Variants in SPIDR observed in about 807,000 individuals in gnomAD.
SPIDR encodes the protein DNA repair-scaffolding protein.
SPIDR carries 93 observed loss-of-function variants against 104.6 expected under a neutral mutation model. The ratio of observed to expected loss-of-function variants is 0.89; its 90% CI spans 0.75 to 1.06. SPIDR has a LOEUF of 1.06. SPIDR is among the 50% of genes least tolerant of loss of function. The pLI, the probability that SPIDR is intolerant of heterozygous loss-of-function variation, is 0.00. For synonymous variants in SPIDR, 431 were observed against 416.9 expected (o/e 1.03, Z -0.41); for missense variants, 1,154 against 1,111.2 (o/e 1.04, Z -0.55).
rs573935727 is a variant in SPIDR at position 47,434,071 on chromosome 8, G to T, written c.878-6252G>T. Among the ~76,000 whole-genome samples the T allele has an allele frequency of 2.6e-5, 4 of 152,270 alleles. No homozygotes were observed. In the East Asian group the frequency reaches 5.8e-4, roughly 22 times the overall value. On this transcript the variant is annotated intron_variant, in intron 7 of 19. Coordinates refer to ENST00000297423, the MANE Select transcript of SPIDR (RefSeq NM_001080394.4). ...ATGGATACATGTATTATTTTTGGGG[G>T]AAAGCTATAAAATACTATTTCAAAA...
chr8:47,295,922 C>G (rs918424482), intron 5 of SPIDR, among the ~76,000 whole-genome samples: 1 of 152,052 alleles, frequency 6.6e-6, no homozygotes, highest in African/African-American at 2.4e-5. Context: ...TACAAGTTCC[C>G]TTTTTGCTAC....
chr8:47,547,262 C>T (rs879776489), intron 8 of SPIDR: 47 of 604,504 alleles, frequency 7.8e-5, no homozygotes, highest in Non-Finnish European at 1.3e-4. Context: ...ACACGATGTA[C>T]AGCAAAGCAA....
intron 5 of SPIDR, among the ~76,000 whole-genome samples, chr8:47,377,145 C>G (rs2058751906): frequency 6.6e-6 from 1 of 152,218 alleles, no homozygotes; most frequent in South Asian, 2.1e-4. Flanking sequence ...TGGCTTCCAT[C>G]TCTGGGGACT....
At chr8:47,311,940 G>C (rs199514163) in intron 5 of SPIDR, among the ~76,000 whole-genome samples, 1 of 151,992 alleles carries the variant, frequency 6.6e-6, no homozygotes, top group Non-Finnish European at 1.5e-5. Flanking sequence ...TCATTGTTCA[G>C]TTCCCACCTA....
At chr8:47,592,264 A>G in intron 8 of SPIDR, 1 of 1,229,304 alleles carries the variant, frequency 8.1e-7, no homozygotes, top group Non-Finnish European at 1.2e-6. Flanking sequence ...GATTGGGAGC[A>G]CATAACAAGG....
chr8:47,535,776 ATACT>A (rs904390089), intron 8 of SPIDR, among the ~76,000 whole-genome samples: 1 of 152,046 alleles, frequency 6.6e-6, no homozygotes, highest in Admixed American at 6.5e-5. Context: ...AGCTGACATC[ATACT>A]TAATGGTGAG....
chr8:47,531,614 C>G (rs568942053), intron 8 of SPIDR, among the ~76,000 whole-genome samples: 2 of 152,124 alleles, frequency 1.3e-5, no homozygotes, highest in Non-Finnish European at 2.9e-5. Flanking sequence ...CTGCTAAACC[C>G]TTCAGTGAGA....
chr8:47,698,791 T>C (rs1454990549), intron 11 of SPIDR, among the ~76,000 whole-genome samples: 1 of 152,214 alleles, frequency 6.6e-6, no homozygotes, highest in African/African-American at 2.4e-5. Context: ...AAACAATATG[T>C]CACAGGTGCC....
intron 5 of SPIDR, among the ~76,000 whole-genome samples, chr8:47,333,102 G>A (rs1266945458): frequency 6.6e-6 from 1 of 152,088 alleles, no homozygotes; most frequent in Non-Finnish European, 1.5e-5. Flanking sequence ...ACAGGGTCAG[G>A]ATCATCAGTA....
At chr8:47,347,413 T>A (rs546449698) in intron 5 of SPIDR, among the ~76,000 whole-genome samples, 1 of 152,366 alleles carries the variant, frequency 6.6e-6, no homozygotes, top group Non-Finnish European at 1.5e-5. Context: ...CTGAGAAGAA[T>A]GTATTTTCTG....
chr8:47,368,866 C>T (rs192089836), intron 5 of SPIDR, among the ~76,000 whole-genome samples: 25 of 152,106 alleles, frequency 1.6e-4, no homozygotes, highest in Admixed American at 1.4e-3. Context: ...ATACGAAGTC[C>T]CCATATGGTT....
intron 5 of SPIDR, among the ~76,000 whole-genome samples, chr8:47,324,469 C>G (rs782167358): frequency 1.3e-5 from 2 of 152,150 alleles, no homozygotes; most frequent in Non-Finnish European, 2.9e-5. Context: ...GACAAATTGA[C>G]AAGTATGTTA....
At chr8:47,627,316 C>T (rs2066329018) in intron 10 of SPIDR, among the ~76,000 whole-genome samples, 1 of 151,842 alleles carries the variant, frequency 6.6e-6, no homozygotes. Context: ...TGCAGCACAG[C>T]AACATGGCAC....
intron 7 of SPIDR, among the ~76,000 whole-genome samples, chr8:47,421,469 G>T (rs557850149): frequency 2.0e-5 from 3 of 152,268 alleles, no homozygotes; most frequent in African/African-American, 7.2e-5. Flanking sequence ...ATGAGGTCCT[G>T]AAATGACTTC....
At chr8:47,465,308 A>G (rs1370928390) in intron 8 of SPIDR, among the ~76,000 whole-genome samples, 2 of 152,188 alleles carry the variant, frequency 1.3e-5, no homozygotes, top group East Asian at 3.9e-4. Context: ...GCAACCAGAC[A>G]AGTCTACATA....
chr8:47,408,231 C>A (rs1263012738), intron 7 of SPIDR, among the ~76,000 whole-genome samples: 3 of 152,104 alleles, frequency 2.0e-5, no homozygotes, highest in African/African-American at 7.2e-5. Flanking sequence ...CTATTCTTAT[C>A]ATTAAGAGCA....
In SPIDR at chr8:47,420,473, C is replaced by A. The variant is rs541524994; in HGVS notation, c.877+12512C>A. Among the ~76,000 whole-genome samples, 3 of 152,212 alleles carry A rather than the reference C, an allele frequency of 2.0e-5. No individual in the cohort carries two copies. The East Asian group carries it at 5.8e-4, about 29-fold the overall frequency. On this transcript the variant is annotated intron_variant, in intron 7 of 19. Transcript: ENST00000297423. ...TTTTGTTTTCCATTTGCTTTTAGAT[C>A]TTCCTCCATCCTTTTATTTTGAGCC...
At chr8:47,627,935 G>A (rs2154440617) in intron 10 of SPIDR, among the ~76,000 whole-genome samples, 1 of 152,282 alleles carries the variant, frequency 6.6e-6, no homozygotes, top group African/African-American at 2.4e-5. Flanking sequence ...GCCTGGTAGT[G>A]CACAGGTCTC....
At chr8:47,583,334 G>A (rs1468071398) in intron 8 of SPIDR, among the ~76,000 whole-genome samples, 5 of 151,768 alleles carry the variant, frequency 3.3e-5, no homozygotes, top group Non-Finnish European at 7.4e-5. Context: ...GTATCAGTGG[G>A]AGTCCAACAT....
Sources: gnomAD v4.1 joint callset for allele counts (sites outside exome capture counted in the v4.1 genomes callset) on GRCh38, gnomAD v4.1.1 for gene constraint, MANE v1.5 for transcripts, NCBI Gene and HGNC (gene_info 2026-07-23, HGNC 2026-07-21) for gene names.